PTTG1IP2: variants seen among roughly 807,000 people sequenced by gnomAD.
PTTG1IP2 encodes PTTG1IP family member 2.
In PTTG1IP2 at chr7:90,485,809, G is replaced by A. The variant is rs2116070828; in HGVS notation, c.193-1518G>A. Among the ~76,000 whole-genome samples the A allele has an allele frequency of 2.0e-5, 3 of 152,284 alleles. No individual in the cohort carries two copies. The South Asian group carries it at 6.2e-4, about 32-fold the overall frequency. Reference sequence around the variant, plus strand: ...AAGTGCGCATAGCTCTTAGCTGCAAGTTCAGGTTTTTTTCTGGCAATTCAT... The same window carrying A: ...AAGTGCGCATAGCTCTTAGCTGCAAATTCAGGTTTTTTTCTGGCAATTCAT... On this transcript the variant is annotated intron_variant, in intron 2 of 6. Transcript: ENST00000509356.
rs1798125585 is a variant in PTTG1IP2 at position 90,506,409 on chromosome 7, T to C, written c.*51-6869T>C. Among the ~76,000 whole-genome samples, 9 of 152,224 alleles carry C rather than the reference T, an allele frequency of 5.9e-5. No individual in the cohort carries two copies. In the South Asian group the frequency reaches 1.9e-3, roughly 31 times the overall value. On this transcript the variant is annotated intron_variant, in intron 6 of 6. Transcript: ENST00000509356. ...GCCAGTTTGGTATTGAGTGCCATTT[T>C]CTCATAAATAAGTCAGATTAATTTC...
intron 3 of PTTG1IP2, 118 bp from the exon 4 acceptor site, chr7:90,488,753 A>G (rs1397779487): frequency 6.6e-6 from 1 of 152,060 alleles, no homozygotes; most frequent in African/African-American, 2.4e-5. Context: ...TTATTGTATC[A>G]TTACTTTCAA....
At chr7:90,504,290 C>T (rs553336851) in intron 6 of PTTG1IP2, among the ~76,000 whole-genome samples, 13 of 151,142 alleles carry the variant, frequency 8.6e-5, no homozygotes, top group East Asian at 2.0e-4. Context: ...CACTCCAGCC[C>T]GGGCGACAGA....
chr7:90,471,419 G>A (rs1293529131), intron 1 of PTTG1IP2, among the ~76,000 whole-genome samples: 3 of 152,174 alleles, frequency 2.0e-5, no homozygotes, highest in African/African-American at 4.8e-5. Flanking sequence ...TTACATTTGA[G>A]AGCTTAGTAA....
At chr7:90,473,213 A>G (rs1430682983) in intron 1 of PTTG1IP2, among the ~76,000 whole-genome samples, 1 of 152,218 alleles carries the variant, frequency 6.6e-6, no homozygotes, top group Non-Finnish European at 1.5e-5. Flanking sequence ...AAAATTCCCA[A>G]TATAGTGGGT....
At position 90,492,253 on chromosome 7, in the gene PTTG1IP2, G is replaced by A. The variant is rs1035002106; in HGVS notation, c.395G>A (p.Arg132His). The change falls in exon 5 of 7, where the codon CGT becomes CAT. Residue 132 changes from arginine (R) to histidine (H), a missense_variant. Physicochemically the swap from Arg to His is conservative, Grantham distance 29. Transcript: ENST00000509356. Reference sequence around the variant, plus strand: ...TTCACCATCAGTTTGAACAGAAATCGTGTCTATTTTTATGGAAGACGAGAA... The same window carrying A: ...TTCACCATCAGTTTGAACAGAAATCATGTCTATTTTTATGGAAGACGAGAA... ...HFYLQDLNRN[R>H]VYFYGRRETV... The A allele has an allele frequency of 1.3e-5, 2 of 152,160 alleles. No individual in the cohort carries two copies. The highest frequency in any genetic ancestry group is 2.1e-4 in the South Asian group (1 of 4,830). 9.4% of individuals were successfully genotyped at this position (152,160 alleles called of 1,614,324 possible).
chr7:90,474,156 A>G (rs113602200), intron 1 of PTTG1IP2, among the ~76,000 whole-genome samples: 213 of 152,352 alleles, frequency 1.4e-3, no homozygotes, highest in African/African-American at 4.3e-3. Flanking sequence ...AAACCTATGC[A>G]GCATGTTACT....
intron 5 of PTTG1IP2, among the ~76,000 whole-genome samples, chr7:90,493,886 T>C (rs1028489531): frequency 5.9e-5 from 9 of 152,216 alleles, no homozygotes; most frequent in South Asian, 2.1e-4. Context: ...TTTCAGAGTA[T>C]TTATGCAAGA....
chr7:90,500,984 C>T (rs983169708), intron 6 of PTTG1IP2, among the ~76,000 whole-genome samples: 6 of 152,252 alleles, frequency 3.9e-5, no homozygotes, highest in African/African-American at 1.2e-4. Flanking sequence ...TCCTTTACTT[C>T]GTTAGCATTT....
At chr7:90,491,069 T>G (rs1797932150) in intron 4 of PTTG1IP2, among the ~76,000 whole-genome samples, 2 of 152,190 alleles carry the variant, frequency 1.3e-5, no homozygotes, top group African/African-American at 4.8e-5. Flanking sequence ...AAACATGACT[T>G]TTTCTTTTAA....
chr7:90,473,454 C>T (rs919011939), intron 1 of PTTG1IP2, among the ~76,000 whole-genome samples: 1 of 152,074 alleles, frequency 6.6e-6, no homozygotes, highest in African/African-American at 2.4e-5. Context: ...AGGCTTTGCT[C>T]CCAGAAAAGT....
At chr7:90,503,954 G>A (rs1476223743) in intron 6 of PTTG1IP2, among the ~76,000 whole-genome samples, 1 of 152,122 alleles carries the variant, frequency 6.6e-6, no homozygotes, top group African/African-American at 2.4e-5. Context: ...TGTGAGGTAC[G>A]CTAAATTGAA....
chr7:90,471,293 G>T (rs563840136), intron 1 of PTTG1IP2, among the ~76,000 whole-genome samples: 8 of 152,260 alleles, frequency 5.3e-5, no homozygotes, highest in South Asian at 2.1e-4. Flanking sequence ...CTATGTCCCA[G>T]ATTGTGCCCT....
chr7:90,490,407 ATAAGG>A (rs1318508291), intron 4 of PTTG1IP2, among the ~76,000 whole-genome samples: 1 of 151,454 alleles, frequency 6.6e-6, no homozygotes, highest in Admixed American at 6.6e-5. Flanking sequence ...TTATAAAAAG[ATAAGG>A]TAAGTCACCA....
intron 1 of PTTG1IP2, among the ~76,000 whole-genome samples, chr7:90,478,096 C>CAAAAAAAAAAAAAAAA (rs370035849): frequency 1.5e-5 from 1 of 68,044 alleles, no homozygotes; most frequent in African/African-American, 5.2e-5. Context: ...GACTCCGTCT[C>CAAAAAAAAAAAAAAAA]AAAAAAAAAA....
intron 2 of PTTG1IP2, among the ~76,000 whole-genome samples, chr7:90,486,437 A>G (rs1293668742): frequency 6.0e-5 from 9 of 150,770 alleles, no homozygotes; most frequent in Admixed American, 4.0e-4. Flanking sequence ...GCCCTATGTA[A>G]GTGACAGCCA....
chr7:90,484,291 A>G (rs906572668), intron 2 of PTTG1IP2, among the ~76,000 whole-genome samples: 1 of 152,054 alleles, frequency 6.6e-6, no homozygotes, highest in African/African-American at 2.4e-5. Flanking sequence ...TGCTTTATAC[A>G]ATCTTAAACC....
chr7:90,482,789 G>A lies in PTTG1IP2; in HGVS notation c.192+3515G>A, dbSNP rs546782971. ...CTGTTGCAACTGACTTAAAATCAGA[G>A]TAGATACTAGGTTTTCTCCATAATC... On this transcript the variant is annotated intron_variant, in intron 2 of 6. Coordinates refer to ENST00000509356, the MANE Select transcript of PTTG1IP2 (RefSeq NM_001365443.2). Among the ~76,000 whole-genome samples the A allele has an allele frequency of 6.6e-5, 10 of 152,020 alleles. No individual in the cohort carries two copies. The South Asian group carries it at 2.1e-3, about 32-fold the overall frequency.
intron 1 of PTTG1IP2, among the ~76,000 whole-genome samples, chr7:90,471,576 A>C (rs1562982286): frequency 6.6e-6 from 1 of 152,238 alleles, no homozygotes; most frequent in African/African-American, 2.4e-5. Context: ...TAGTGCAAAA[A>C]ATAAGTGGCA....
Sources: allele counts gnomAD v4.1 joint callset (sites outside exome capture counted in the v4.1 genomes callset), GRCh38; gene constraint gnomAD v4.1.1; transcripts MANE v1.5; gene names NCBI Gene and HGNC (gene_info 2026-07-23, HGNC 2026-07-21).